The following BAZ1B variants were observed in gnomAD, a reference collection of about 807,000 sequenced individuals.
BAZ1B encodes the protein tyrosine-protein kinase BAZ1B.
A neutral mutation model predicts 153.8 loss-of-function variants in BAZ1B; 22 were observed. The observed-to-expected ratio is 0.14, with a 90% CI of 0.10 to 0.20. The LOEUF (loss-of-function observed/expected upper bound fraction) is 0.20, where lower values mean the gene tolerates loss of function less well. Among genes scored for constraint, BAZ1B ranks in the 10% least tolerant of loss-of-function variants. BAZ1B has a pLI of 1.00. For missense variants in BAZ1B, 1,325 were observed against 1,799.3 expected, an observed-to-expected ratio of 0.74 and a Z score of 4.77; for synonymous variants, 676 against 633.4, an observed-to-expected ratio of 1.07 and a Z score of -1.01.
At position 73,477,197 on chromosome 7, in the gene BAZ1B, C is replaced by T. The variant is rs1554572935; in HGVS notation, c.2264G>A (p.Arg755Gln). 1.2e-6 allele frequency: 2 copies of T among 1,614,214 alleles called. No homozygotes were observed. The highest frequency in any genetic ancestry group is 2.2e-5 in the South Asian group (2 of 91,090). Residue 755 changes from arginine to glutamine, a missense_variant, in exon 7 of 20, where the codon CGG (arginine) becomes CAG (glutamine). Physicochemically the swap from Arg to Gln is conservative, Grantham distance 43. Transcript: ENST00000339594. The surrounding 1 kb of genome is among the most constrained non-coding windows in gnomAD (Gnocchi z 5.6). ...TTGCACTGAGTATGTCATGAGGATC[C>T]GGTGGCACAGTGCTGTCAAGATCTG... ...KLQILTALCH[R>Q]ILMTYSVQDH...
chr7:73,470,504 CAA>C, intron 7 of BAZ1B, 21 bp from the exon 8 acceptor site: 1 of 1,608,904 alleles, frequency 6.2e-7, no homozygotes, highest in Non-Finnish European at 8.5e-7. Context: ...TAAAAAGACT[CAA>C]ATCAGATATT....
chr7:73,451,993 A>G (rs1286169718), intron 13 of BAZ1B, among the ~76,000 whole-genome samples: 3 of 152,214 alleles, frequency 2.0e-5, no homozygotes, highest in Non-Finnish European at 4.4e-5. Flanking sequence ...GTGGACATTC[A>G]CATGTAGTGC....
chr7:73,510,916 G>GA (rs1426209403), intron 1 of BAZ1B, 64 bp from the exon 2 acceptor site: 1 of 1,340,430 alleles, frequency 7.5e-7, no homozygotes. Context: ...ATACCCATAA[G>GA]ATACTTATAT....
intron 7 of BAZ1B, among the ~76,000 whole-genome samples, chr7:73,472,430 G>T (rs982172187): frequency 6.6e-6 from 1 of 151,096 alleles, no homozygotes; most frequent in Admixed American, 6.6e-5. Context: ...GGCTAATTTT[G>T]TATTTTTAGT....
chr7:73,506,322 C>A (rs1790338396), intron 3 of BAZ1B, among the ~76,000 whole-genome samples: 1 of 151,416 alleles, frequency 6.6e-6, no homozygotes, highest in Non-Finnish European at 1.5e-5. Context: ...CACAGTGAAA[C>A]CCCGTCTCTA....
At chr7:73,504,120 C>G (rs1790239577) in intron 3 of BAZ1B, among the ~76,000 whole-genome samples, 1 of 152,232 alleles carries the variant, frequency 6.6e-6, no homozygotes, top group South Asian at 2.1e-4. Flanking sequence ...CCTGATCAGA[C>G]TGCTGTCTGC....
chr7:73,496,615 G>A (rs535364549), intron 4 of BAZ1B, among the ~76,000 whole-genome samples: 2 of 152,218 alleles, frequency 1.3e-5, no homozygotes, highest in South Asian at 4.1e-4. Context: ...ATTAATGAAG[G>A]CCTCAGAGGC....
intron 1 of BAZ1B, among the ~76,000 whole-genome samples, chr7:73,511,959 A>G (rs1214101524): frequency 7.5e-6 from 1 of 133,844 alleles, no homozygotes; most frequent in Non-Finnish European, 1.5e-5. Flanking sequence ...TGAACCTGGG[A>G]GGCCGTTGCA....
intron 12 of BAZ1B, among the ~76,000 whole-genome samples, chr7:73,460,867 A>G (rs1788369881): frequency 6.6e-6 from 1 of 151,682 alleles, no homozygotes; most frequent in Non-Finnish European, 1.5e-5. Context: ...TGGGAGACTG[A>G]GGCAGAAGGA....
chr7:73,447,236 C>A (rs1260072962), intron 16 of BAZ1B, 28 bp downstream of exon 16: 7 of 1,612,852 alleles, frequency 4.3e-6, no homozygotes, highest in South Asian at 1.1e-5. Context: ...ACTGTGAAAT[C>A]AACTACAAAG....
chr7:73,459,167 G>C (rs1788304796), intron 13 of BAZ1B, among the ~76,000 whole-genome samples: 1 of 151,662 alleles, frequency 6.6e-6, no homozygotes, highest in African/African-American at 2.4e-5. Context: ...AGAATCGCTT[G>C]AACCTGGGAG....
intron 1 of BAZ1B, among the ~76,000 whole-genome samples, chr7:73,518,548 C>A (rs1554579687): frequency 6.6e-6 from 1 of 152,114 alleles, no homozygotes; most frequent in Admixed American, 6.6e-5. Context: ...CAACTCTTAA[C>A]ACATGCTCTA....
intron 11 of BAZ1B, 50 bp from the exon 12 acceptor site, chr7:73,463,149 T>A: frequency 6.8e-7 from 1 of 1,473,970 alleles, no homozygotes; most frequent in South Asian, 1.3e-5. Flanking sequence ...CTTTTGAAGA[T>A]GTTCTTCAAA....
chr7:73,464,929 T>C (rs1554570968), intron 11 of BAZ1B, among the ~76,000 whole-genome samples: 1 of 151,808 alleles, frequency 6.6e-6, no homozygotes, highest in Non-Finnish European at 1.5e-5. Context: ...AAACGGAGTT[T>C]CCCTATGTTG....
intron 12 of BAZ1B, among the ~76,000 whole-genome samples, chr7:73,460,192 GAAAAAAAAAAA>G (rs782211272): frequency 1.9e-3 from 144 of 73,876 alleles, no homozygotes; most frequent in South Asian, 6.2e-3. Flanking sequence ...CCGTCTCAGG[GAAAAAAAAAAA>G]AAAAAAAAAA....
chr7:73,497,954 T>G (rs368787691), intron 4 of BAZ1B, among the ~76,000 whole-genome samples: 46 of 152,082 alleles, frequency 3.0e-4, no homozygotes, highest in East Asian at 9.7e-4. Flanking sequence ...GTTTTGTTTT[T>G]TTTTTTTTGA....
Position 73,477,032 on chromosome 7 carries a change from T to G in BAZ1B, c.2429A>C (p.Lys810Thr), listed in dbSNP as rs781905867. 1 of 1,614,052 alleles carries G rather than the reference T, an allele frequency of 6.2e-7. No homozygotes were observed. Among genetic ancestry groups the G allele is most frequent in the African/African-American group, 1.3e-5 (1 of 74,918 alleles). The change falls in exon 7 of 20, where the codon AAA becomes ACA. Residue 810 changes from lysine to threonine, a missense_variant. This residue lies in a region of BAZ1B where 431 missense variants were observed against 563.5 expected (regional missense o/e 0.76). Transcript: ENST00000339594. This position sits in a 1 kb window ranked among gnomAD's most constrained non-coding sequence, Gnocchi z 5.6. ...EMEAKNKENGKVENGLGKTDR... is the reference protein window; with the variant it reads ...EMEAKNKENGTVENGLGKTDR... Reference sequence around the variant, plus strand: ...AGTTTTGCCTAACCCATTCTCAACTTTTCCATTTTCTTTATTTTTGGCTTC... The same window carrying G: ...AGTTTTGCCTAACCCATTCTCAACTGTTCCATTTTCTTTATTTTTGGCTTC...
chr7:73,470,309 T>A (rs782521508), intron 8 of BAZ1B, 36 bp downstream of exon 8: 7 of 1,588,028 alleles, frequency 4.4e-6, no homozygotes, highest in African/African-American at 1.4e-5. Context: ...ATGTAAATAG[T>A]CCTAAAGAAA....
chr7:73,465,189 A>G (rs1292271124), intron 11 of BAZ1B, among the ~76,000 whole-genome samples: 1 of 152,172 alleles, frequency 6.6e-6, no homozygotes, highest in Non-Finnish European at 1.5e-5. Context: ...CATGAGGCTC[A>G]CAGCTTGGTG....
Sources: gnomAD v4.1 joint callset for allele counts (sites outside exome capture counted in the v4.1 genomes callset) on GRCh38, gnomAD v4.1.1 for gene constraint, gnomAD v4.1.1 regional missense constraint, Gnocchi (gnomAD v3.1) non-coding constraint, MANE v1.5 for transcripts, NCBI Gene and HGNC (gene_info 2026-07-23, HGNC 2026-07-21) for gene names.